The following DGKD variants were observed in gnomAD, a reference collection of about 807,000 sequenced individuals.
DGKD encodes the protein diacylglycerol kinase delta.
DGKD carries 68 observed loss-of-function variants against 154.4 expected under a neutral mutation model. That is an observed-to-expected ratio of 0.44 (90% CI 0.36 to 0.54). The LOEUF is 0.54. Ranked by LOEUF, DGKD falls within the 20% of genes least tolerant of loss-of-function variation. The pLI, the probability that DGKD is intolerant of heterozygous loss-of-function variation, is 0.00. For missense variants in DGKD, 1,343 were observed against 1,593.6 expected (o/e 0.84, Z 2.68); for synonymous variants, 693 against 638.0 (o/e 1.09, Z -1.30).
At chr2:233,414,850 G>C (rs960655232) in intron 3 of DGKD, among the ~76,000 whole-genome samples, 1 of 152,180 alleles carries the variant, frequency 6.6e-6, no homozygotes, top group African/African-American at 2.4e-5. Context: ...TCTTTTCAGA[G>C]TGAGCAGTGA....
chr2:233,376,555 C>T (rs1012948437), intron 1 of DGKD, among the ~76,000 whole-genome samples: 2 of 151,998 alleles, frequency 1.3e-5, no homozygotes, highest in Admixed American at 1.3e-4. Context: ...GTTTCCTGGG[C>T]CTCCCTTAGG....
intron 3 of DGKD, among the ~76,000 whole-genome samples, chr2:233,403,312 C>T (rs2061602048): frequency 6.6e-6 from 1 of 152,124 alleles, no homozygotes; most frequent in Non-Finnish European, 1.5e-5. Flanking sequence ...GTAATCCCAG[C>T]ACTTTGGGAG....
intron 14 of DGKD, among the ~76,000 whole-genome samples, 159 bp downstream of exon 14, chr2:233,448,534 A>C (rs974099398): frequency 6.6e-6 from 1 of 152,250 alleles, no homozygotes; most frequent in African/African-American, 2.4e-5. Context: ...TGAAGCAACA[A>C]AGAACGAAGG....
chr2:233,409,378 G>A (rs1190718948), intron 3 of DGKD, among the ~76,000 whole-genome samples: 1 of 152,054 alleles, frequency 6.6e-6, no homozygotes, highest in African/African-American at 2.4e-5. Flanking sequence ...AAAAGACCTG[G>A]GGGGAAGATA....
intron 3 of DGKD, among the ~76,000 whole-genome samples, chr2:233,395,991 C>G (rs984751704): frequency 6.6e-6 from 1 of 152,040 alleles, no homozygotes; most frequent in Admixed American, 6.5e-5. Context: ...CATACCAAAC[C>G]ATGAAAATGA....
intron 1 of DGKD, 112 bp from the exon 2 acceptor site, chr2:233,388,145 T>C (rs2125437873): frequency 6.5e-7 from 1 of 1,545,504 alleles, no homozygotes; most frequent in Non-Finnish European, 8.7e-7. Flanking sequence ...GTGAGAAATA[T>C]TTTCTGTTAG....
At chr2:233,357,715 G>A (rs2125368097) in intron 1 of DGKD, among the ~76,000 whole-genome samples, 2 of 151,760 alleles carry the variant, frequency 1.3e-5, no homozygotes, top group Non-Finnish European at 2.9e-5. Flanking sequence ...TTTGTATTTT[G>A]TTGTAGAGAT....
chr2:233,458,280 G>A lies in DGKD; in HGVS notation c.2581-4G>A. ...GGTGGTCAGCTCTAACGTGTCCCTT[G>A]CAGACTTTCGCAGCTCCATCATTCG... On this transcript the variant is annotated splice_region_variant and splice_polypyrimidine_tract_variant and intron_variant, in intron 21 of 29. Transcript: ENST00000264057. This position sits in a 1 kb window ranked among gnomAD's most constrained non-coding sequence, Gnocchi z 6.6. 1 of 1,608,054 alleles carries A rather than the reference G, an allele frequency of 6.2e-7. No individual in the cohort carries two copies.
intron 29 of DGKD, 149 bp downstream of exon 29, chr2:233,468,702 C>A: frequency 1.6e-6 from 2 of 1,232,384 alleles, no homozygotes; most frequent in Non-Finnish European, 2.2e-6. Context: ...GGCTGTGGCC[C>A]TCATCTAGGC....
At chr2:233,376,832 C>T (rs1438866715) in intron 1 of DGKD, among the ~76,000 whole-genome samples, 1 of 152,112 alleles carries the variant, frequency 6.6e-6, no homozygotes, top group Non-Finnish European at 1.5e-5. Flanking sequence ...AGTCAGAGCT[C>T]AGCCTCCTGG....
At chr2:233,448,616 A>G in intron 14 of DGKD, among the ~76,000 whole-genome samples, 1 of 152,210 alleles carries the variant, frequency 6.6e-6, no homozygotes, top group East Asian at 1.9e-4. Flanking sequence ...AAGGGTCCAG[A>G]CACAGAATCT....
At chr2:233,464,904 G>A (rs1381597353) in intron 27 of DGKD, among the ~76,000 whole-genome samples, 1 of 152,260 alleles carries the variant, frequency 6.6e-6, no homozygotes, top group Admixed American at 6.5e-5. Flanking sequence ...GGGCCCTGAG[G>A]AAAGCTCATC....
Position 233,449,945 on chromosome 2 carries a change from A to G in DGKD, c.1889-37A>G. 1 of 1,536,534 alleles carries G rather than the reference A, an allele frequency of 6.5e-7. No individual in the cohort carries two copies. The highest frequency in any genetic ancestry group is 8.8e-7 in the Non-Finnish European group (1 of 1,139,120). ...AGCCTGACAGCGCCCTTGGCTTTGC[A>G]CCCGCGTGCTCAGCCGCACACACTC... On this transcript the variant is annotated intron_variant, in intron 15 of 29. Transcript: ENST00000264057. This position sits in a 1 kb window ranked among gnomAD's most constrained non-coding sequence, Gnocchi z 5.3.
At chr2:233,374,047 GTTTTTGTT>G (rs1455659146) in intron 1 of DGKD, among the ~76,000 whole-genome samples, 2 of 149,492 alleles carry the variant, frequency 1.3e-5, no homozygotes, top group African/African-American at 4.9e-5. Context: ...GGTTTTTTTT[GTTTTTGTT>G]TGTTTGTTTG....
intron 18 of DGKD, chr2:233,454,538 C>G: frequency 1.9e-6 from 1 of 528,086 alleles, no homozygotes; most frequent in South Asian, 1.7e-5. Flanking sequence ...GCTCTAAAAT[C>G]GATTATCTAG....
rs545946631 is a variant in DGKD at position 233,452,393 on chromosome 2, G to T, written c.2264+333G>T. Among the ~76,000 whole-genome samples, 1 of 152,258 alleles carries T rather than the reference G, an allele frequency of 6.6e-6. No homozygotes were observed. Among genetic ancestry groups the T allele is most frequent in the Non-Finnish European group, 1.5e-5 (1 of 68,014 alleles). Reference sequence around the variant, plus strand: ...AGCTGCCCTTGTGCTGCTCTTCGTGGTCACTCTCCCATGATCTTGGCTGGA... The same window carrying T: ...AGCTGCCCTTGTGCTGCTCTTCGTGTTCACTCTCCCATGATCTTGGCTGGA... On this transcript the variant is annotated intron_variant, in intron 18 of 29. Transcript: ENST00000264057. The surrounding 1 kb of genome is among the most constrained non-coding windows in gnomAD (Gnocchi z 4.0).
At position 233,452,014 on chromosome 2, in the gene DGKD, C is replaced by T. The variant is rs753361193; in HGVS notation, c.2218C>T (p.Arg740Cys). 12 of 1,613,882 alleles carry T rather than the reference C, an allele frequency of 7.4e-6. No homozygotes were observed. Among genetic ancestry groups the T allele is most frequent in the East Asian group, 2.2e-5 (1 of 44,902 alleles). ...CTTACCCGGTGGCTCAGTCATCAGTCGCCTGTTAATTAATGCTGATCCCTT... is the reference window on the plus strand; with the variant it reads ...CTTACCCGGTGGCTCAGTCATCAGTTGCCTGTTAATTAATGCTGATCCCTT... ...GSLPGGSVIS[R>C]LLINADPFNS... The change falls in exon 18 of 30, where the codon CGC (arginine) becomes TGC (cysteine). Residue 740 changes from arginine (R) to cysteine (C), a missense_variant. Physicochemically the swap from Arg to Cys is radical, Grantham distance 180. Transcript: ENST00000264057. The surrounding 1 kb of genome is among the most constrained non-coding windows in gnomAD (Gnocchi z 4.0).
At chr2:233,358,132 C>A (rs1701612850) in intron 1 of DGKD, among the ~76,000 whole-genome samples, 1 of 152,136 alleles carries the variant, frequency 6.6e-6, no homozygotes, top group Non-Finnish European at 1.5e-5. Context: ...GACTACAGTA[C>A]ACAGTAATGA....
intron 25 of DGKD, 30 bp from the exon 26 acceptor site, chr2:233,462,613 C>T (rs781221491): frequency 1.1e-5 from 17 of 1,601,942 alleles, no homozygotes; most frequent in Non-Finnish European, 1.1e-5. Context: ...GGCCCCCCGC[C>T]CCCATGCATA....
Sources: allele counts gnomAD v4.1 joint callset (sites outside exome capture counted in the v4.1 genomes callset), GRCh38; gene constraint gnomAD v4.1.1; non-coding constraint Gnocchi (gnomAD v3.1); transcripts MANE v1.5; gene names NCBI Gene and HGNC (gene_info 2026-07-23, HGNC 2026-07-21).